The following RANBP2 variants were observed in gnomAD, a reference collection of about 807,000 sequenced individuals.
RANBP2 encodes the protein E3 SUMO-protein ligase RanBP2.
In RANBP2, 57 loss-of-function variants were observed where a neutral mutation model predicts 303.6. The observed-to-expected ratio is 0.19, with a 90% confidence interval of 0.15 to 0.23. RANBP2 has a LOEUF of 0.23. Ranked by LOEUF, RANBP2 falls within the 10% of genes least tolerant of loss-of-function variation. The pLI is 1.00. For synonymous variants in RANBP2, 1,167 were observed against 1,301.5 expected, an observed-to-expected ratio of 0.90 and a Z score of 2.23; for missense variants, 3,138 against 3,780.8, an observed-to-expected ratio of 0.83 and a Z score of 4.46.
chr2:109,292,069 T>G, the RANBP2 span, among the ~76,000 whole-genome samples: 1 of 152,190 alleles, frequency 6.6e-6, no homozygotes. Context: ...TTCACCGTGT[T>G]AGCCAGGATG....
the RANBP2 span, among the ~76,000 whole-genome samples, chr2:109,197,872 C>G: frequency 1.3e-5 from 2 of 152,218 alleles, no homozygotes; most frequent in Admixed American, 6.5e-5. Context: ...GCTTTTTGCA[C>G]AGAAGACTGC....
At chr2:109,355,586 A>G in the RANBP2 span, among the ~76,000 whole-genome samples, 1 of 152,196 alleles carries the variant, frequency 6.6e-6, no homozygotes, top group African/African-American at 2.4e-5. Flanking sequence ...AGAGCACAGC[A>G]CTATCAGGGC....
chr2:108,983,250 C>T, the RANBP2 span, among the ~76,000 whole-genome samples: 1 of 152,136 alleles, frequency 6.6e-6, no homozygotes, highest in Non-Finnish European at 1.5e-5. Context: ...TTAGGAACAG[C>T]CATTTTGAGT....
chr2:108,812,685 C>G, the RANBP2 span: 6 of 1,611,906 alleles, frequency 3.7e-6, no homozygotes, highest in Admixed American at 8.3e-5. Flanking sequence ...TAAAAGAGTT[C>G]AAGCTCGTTT....
At chr2:109,632,301 A>G in the RANBP2 span, among the ~76,000 whole-genome samples, 3 of 152,194 alleles carry the variant, frequency 2.0e-5, no homozygotes, top group Non-Finnish European at 2.9e-5. Flanking sequence ...TAAGGGGGTC[A>G]TGGGAACTCC....
the RANBP2 span, among the ~76,000 whole-genome samples, chr2:109,272,495 TCTAA>T: frequency 2.6e-5 from 4 of 152,336 alleles, no homozygotes; most frequent in African/African-American, 9.6e-5. Flanking sequence ...CCCCTTCGCC[TCTAA>T]CTGTGTGCTG....
chr2:108,750,477 G>T (rs992727708), intron 9 of RANBP2, among the ~76,000 whole-genome samples: 16 of 152,202 alleles, frequency 1.1e-4, no homozygotes, highest in African/African-American at 3.9e-4. Flanking sequence ...AGAGACAAAG[G>T]CCATGAACAT....
At chr2:109,677,222 A>G in the RANBP2 span, among the ~76,000 whole-genome samples, 1 of 152,272 alleles carries the variant, frequency 6.6e-6, no homozygotes, top group South Asian at 2.1e-4. Context: ...GTCACCAGCC[A>G]GCCAGGAGTC....
the RANBP2 span, chr2:109,732,848 G>A: frequency 1.5e-6 from 2 of 1,302,484 alleles, no homozygotes; most frequent in East Asian, 2.4e-5. Flanking sequence ...CTTTGCTTTT[G>A]TTGAATTTGA....
the RANBP2 span, among the ~76,000 whole-genome samples, chr2:109,688,303 A>G: frequency 1.3e-5 from 2 of 152,056 alleles, no homozygotes; most frequent in Non-Finnish European, 2.9e-5. Context: ...TGCTGTATAG[A>G]CTGGGCCTCG....
chr2:109,643,721 C>T, the RANBP2 span, among the ~76,000 whole-genome samples: 1 of 151,786 alleles, frequency 6.6e-6, no homozygotes, highest in Non-Finnish European at 1.5e-5. Context: ...ACTGAGATCA[C>T]ACCTCTGCAC....
the RANBP2 span, among the ~76,000 whole-genome samples, chr2:109,248,492 C>T: frequency 6.6e-6 from 1 of 152,218 alleles, no homozygotes; most frequent in African/African-American, 2.4e-5. Flanking sequence ...TGCAGGCCTG[C>T]TCTGCAAGTG....
chr2:108,794,269 T>G, the RANBP2 span, among the ~76,000 whole-genome samples: 1 of 152,172 alleles, frequency 6.6e-6, no homozygotes, highest in African/African-American at 2.4e-5. Flanking sequence ...TGGCAATTAG[T>G]GTCTTTTTAT....
the RANBP2 span, among the ~76,000 whole-genome samples, chr2:109,200,784 C>T: frequency 2.0e-5 from 3 of 152,344 alleles, no homozygotes; most frequent in Admixed American, 2.0e-4. Flanking sequence ...TTAGGGCCGG[C>T]TGAGCACAGA....
At position 108,765,818 on chromosome 2, in the gene RANBP2, C is replaced by T. The variant is rs1256309863; in HGVS notation, c.5279C>T (p.Ser1760Leu). ...AAACAAAATCAAACAACTGCAATTT[C>T]AACACCTGCCTCTTCGGAGATAAGC... is the stretch of plus-strand genomic sequence containing the variant. ...PSKQNQTTAI[S>L]TPASSEISKA... The change falls in exon 20 of 29, where the codon TCA becomes TTA. Residue 1760 changes from serine (S) to leucine (L), a missense_variant. This residue lies in a region of RANBP2 where 348 missense variants were observed against 360.4 expected (regional missense o/e 0.97). Coordinates refer to ENST00000283195, the MANE Select transcript of RANBP2 (RefSeq NM_006267.5). 8 of 1,614,014 alleles carry T rather than the reference C, an allele frequency of 5.0e-6. No individual in the cohort carries two copies. The highest frequency in any genetic ancestry group is 6.8e-6 in the Non-Finnish European group (8 of 1,180,006).
At chr2:108,759,166 TAATG>T (rs1220429373) in intron 18 of RANBP2, among the ~76,000 whole-genome samples, 1 of 151,886 alleles carries the variant, frequency 6.6e-6, no homozygotes, top group Non-Finnish European at 1.5e-5. Context: ...AGTAAACAGT[TAATG>T]AACTAAGGTT....
the RANBP2 span, among the ~76,000 whole-genome samples, chr2:109,064,783 GAA>G: frequency 1.3e-5 from 2 of 152,152 alleles, no homozygotes; most frequent in Admixed American, 1.3e-4. Flanking sequence ...TAAGGTTATT[GAA>G]ATGGGGGCCT....
the RANBP2 span, among the ~76,000 whole-genome samples, chr2:109,353,909 C>T: frequency 6.6e-6 from 1 of 152,142 alleles, no homozygotes; most frequent in Non-Finnish European, 1.5e-5. Flanking sequence ...GCCCCTGCCT[C>T]CCTCTGGAGT....
chr2:109,528,413 A>C, the RANBP2 span, among the ~76,000 whole-genome samples: 2,534 of 152,344 alleles, frequency 0.017, 68 homozygotes, highest in African/African-American at 0.057. Flanking sequence ...GCCCATGGGA[A>C]AGTGTCGTCA....
Sources: allele counts gnomAD v4.1 joint callset (sites outside exome capture counted in the v4.1 genomes callset), GRCh38; gene constraint gnomAD v4.1.1; regional missense constraint gnomAD v4.1.1; transcripts MANE v1.5; gene names NCBI Gene and HGNC (gene_info 2026-07-23, HGNC 2026-07-21).